The following NAALADL2 variants were observed in gnomAD, a reference collection of about 807,000 sequenced individuals.
NAALADL2 encodes the protein inactive N-acetylated-alpha-linked acidic dipeptidase-like protein 2.
NAALADL2 carries 76 observed loss-of-function variants against 87.2 expected under a neutral mutation model. The observed-to-expected ratio is 0.87, with a 90% confidence interval of 0.72 to 1.05. The LOEUF (loss-of-function observed/expected upper bound fraction) is 1.05. Among genes scored for constraint, NAALADL2 ranks in the 50% least tolerant of loss-of-function variants. NAALADL2 has a pLI of 0.00. For synonymous variants in NAALADL2, 354 were observed against 331.0 expected, an observed-to-expected ratio of 1.07 and a Z score of -0.75; for missense variants, 1,089 against 945.8, an observed-to-expected ratio of 1.15 and a Z score of -1.99.
At chr3:175,791,787 A>C (rs1752810173) in intron 13 of NAALADL2, among the ~76,000 whole-genome samples, 1 of 151,576 alleles carries the variant, frequency 6.6e-6, no homozygotes, top group African/African-American at 2.4e-5. Context: ...TTTTTCAATA[A>C]ATTTATTTTT....
chr3:174,978,773 A>G (rs1453808640), intron 1 of NAALADL2, among the ~76,000 whole-genome samples: 1 of 152,232 alleles, frequency 6.6e-6, no homozygotes, highest in African/African-American at 2.4e-5. Context: ...AACATATTAT[A>G]TCAACTAATT....
chr3:174,741,774 A>G (rs1733792292), intron 3 of NAALADL2, among the ~76,000 whole-genome samples: 1 of 151,736 alleles, frequency 6.6e-6, no homozygotes, highest in South Asian at 2.1e-4. Flanking sequence ...CAAAGATATC[A>G]ACTTTTAATC....
At chr3:174,741,614 A>G (rs1430612250) in intron 3 of NAALADL2, among the ~76,000 whole-genome samples, 6 of 151,640 alleles carry the variant, frequency 4.0e-5, no homozygotes, top group African/African-American at 1.4e-4. Flanking sequence ...AACAATATTC[A>G]TATAGTGAAT....
intron 1 of NAALADL2, among the ~76,000 whole-genome samples, chr3:174,998,723 C>T (rs1210513498): frequency 6.6e-6 from 1 of 152,132 alleles, no homozygotes; most frequent in African/African-American, 2.4e-5. Flanking sequence ...GGAAACTCAT[C>T]TTAGGCCAGA....
chr3:175,667,231 GAA>G lies in NAALADL2; in HGVS notation c.1896+39847_1896+39848del, dbSNP rs749819390. 2.3e-3 allele frequency among the ~76,000 whole-genome samples: 274 copies of G among 116,790 alleles called. 2 individuals are homozygous for G. The highest frequency in any genetic ancestry group is 5.1e-3 in the African/African-American group (121 of 23,504). The allele number at this position is 116,790 out of a possible 152,430, so 76.6% of individuals were successfully genotyped here. A position where few individuals can be genotyped will look rare whatever the true frequency, so the allele number is the denominator to read the frequency against. Reference sequence around the variant, plus strand: ...AGAAAGAAAGAAAGAAAGAAAGAAAGAAAGAAAGAAAAAGAAAGAAAGAAAGA... The same window carrying G: ...AGAAAGAAAGAAAGAAAGAAAGAAAGAGAAAGAAAAAGAAAGAAAGAAAGA... On this transcript the variant is annotated intron_variant, in intron 11 of 13. Coordinates refer to ENST00000454872, the MANE Select transcript of NAALADL2 (RefSeq NM_207015.3).
At chr3:175,785,054 C>A (rs1479116597) in intron 13 of NAALADL2, among the ~76,000 whole-genome samples, 2 of 151,140 alleles carry the variant, frequency 1.3e-5, no homozygotes, top group Admixed American at 1.3e-4. Flanking sequence ...TTTGATTGCA[C>A]TGTGGTCTGA....
intron 13 of NAALADL2, among the ~76,000 whole-genome samples, chr3:175,768,446 GT>G (rs965308683): frequency 2.6e-5 from 4 of 151,960 alleles, no homozygotes; most frequent in Admixed American, 1.3e-4. Context: ...AGAAACATTA[GT>G]TTTTTTTCTT....
chr3:174,560,705 T>C (rs182467549), intron 2 of NAALADL2, among the ~76,000 whole-genome samples: 2 of 152,316 alleles, frequency 1.3e-5, no homozygotes, highest in Admixed American at 1.3e-4. Flanking sequence ...AGACTTTATT[T>C]ATTTCTCTGG....
At chr3:174,631,486 G>C (rs1248146399) in intron 2 of NAALADL2, among the ~76,000 whole-genome samples, 1 of 152,154 alleles carries the variant, frequency 6.6e-6, no homozygotes, top group Non-Finnish European at 1.5e-5. Flanking sequence ...TCAAGTTCCT[G>C]AAATGTTAAC....
chr3:174,561,121 A>G (rs1713552955), intron 2 of NAALADL2, among the ~76,000 whole-genome samples: 1 of 152,062 alleles, frequency 6.6e-6, no homozygotes, highest in Non-Finnish European at 1.5e-5. Flanking sequence ...ACCCAAGAGC[A>G]GGGTGATCAG....
rs1383219687 is a variant in NAALADL2, at chr3:175,160,370, T to TC, written c.545+63079_545+63080insC. 7.7e-3 allele frequency among the ~76,000 whole-genome samples: 944 copies of TC among 121,906 alleles called. 26 individuals are homozygous for TC. Among genetic ancestry groups the TC allele is most frequent in the African/African-American group, 0.029 (823 of 28,866 alleles). The allele number at this position is 121,906 out of a possible 152,430, so 80.0% of individuals were successfully genotyped here. A position where few individuals can be genotyped will look rare whatever the true frequency, so the allele number is the denominator to read the frequency against. ...GTGTATCTTTTCTTTCTTTTTTTTTTTTTTTTTTTTTTTTTTTTGAGTTAG... is the reference window on the plus strand; with the variant it reads ...GTGTATCTTTTCTTTCTTTTTTTTTTCTTTTTTTTTTTTTTTTTTGAGTTAG... On this transcript the variant is annotated intron_variant, in intron 2 of 13. Coordinates refer to ENST00000454872, the MANE Select transcript of NAALADL2 (RefSeq NM_207015.3).
chr3:175,010,180 A>T (rs1749594867), intron 1 of NAALADL2, among the ~76,000 whole-genome samples: 1 of 152,202 alleles, frequency 6.6e-6, no homozygotes, highest in East Asian at 1.9e-4. Flanking sequence ...GTTGCTTTTA[A>T]TTTTCATTCC....
Position 175,759,143 on chromosome 3 carries a change from G to C in NAALADL2, c.2189+3725G>C, listed in dbSNP as rs558648790. Among the ~76,000 whole-genome samples the C allele has an allele frequency of 3.9e-5, 6 of 152,196 alleles. No homozygotes were observed. In the South Asian group the frequency reaches 1.2e-3, roughly 32 times the overall value. On this transcript the variant is annotated intron_variant, in intron 13 of 13. Transcript: ENST00000454872. ...CTGGCTCCTCATTGAACGCTGCTCT[G>C]TTGCTCTGTGCAATACTGCTGGAAA...
At chr3:174,830,524 T>C (rs1408394969) in intron 3 of NAALADL2, among the ~76,000 whole-genome samples, 8 of 151,412 alleles carry the variant, frequency 5.3e-5, no homozygotes, top group East Asian at 2.0e-4. Flanking sequence ...AGCCTTGTAG[T>C]ATAGTTTGAA....
intron 13 of NAALADL2, among the ~76,000 whole-genome samples, chr3:175,780,810 GCAT>G (rs1264325951): frequency 2.0e-5 from 3 of 152,106 alleles, no homozygotes; most frequent in African/African-American, 2.4e-5. Flanking sequence ...TTAAGAATAG[GCAT>G]CATTAAAAAT....
chr3:175,134,286 G>A (rs1350995321), intron 2 of NAALADL2, among the ~76,000 whole-genome samples: 2 of 152,182 alleles, frequency 1.3e-5, no homozygotes, highest in African/African-American at 4.8e-5. Context: ...TGTAGTCAAA[G>A]CTTAACCTGT....
chr3:175,405,128 A>G (rs1712079890), intron 5 of NAALADL2, among the ~76,000 whole-genome samples: 1 of 152,166 alleles, frequency 6.6e-6, no homozygotes, highest in Non-Finnish European at 1.5e-5. Context: ...GCACATGTCT[A>G]TATTAGCAAT....
intron 10 of NAALADL2, among the ~76,000 whole-genome samples, chr3:175,577,747 G>A (rs951688901): frequency 3.3e-5 from 5 of 152,036 alleles, no homozygotes; most frequent in African/African-American, 9.7e-5. Flanking sequence ...TTGCTTTAGT[G>A]GGAGAATTTT....
At chr3:175,026,959 T>G (rs535435507) in intron 1 of NAALADL2, among the ~76,000 whole-genome samples, 1 of 152,134 alleles carries the variant, frequency 6.6e-6, no homozygotes, top group African/African-American at 2.4e-5. Context: ...CCCTAACTTA[T>G]TGGGATACTC....
Sources: gnomAD v4.1 joint callset for allele counts (sites outside exome capture counted in the v4.1 genomes callset) on GRCh38, gnomAD v4.1.1 for gene constraint, MANE v1.5 for transcripts, NCBI Gene and HGNC (gene_info 2026-07-23, HGNC 2026-07-21) for gene names.